The following NR2C2 variants were observed in gnomAD, a reference collection of about 807,000 sequenced individuals.
NR2C2 encodes the protein nuclear receptor subfamily 2 group C member 2.
A neutral mutation model predicts 62.9 loss-of-function variants in NR2C2; 6 were observed. That is an observed-to-expected ratio of 0.10 (90% confidence interval 0.05 to 0.19). The LOEUF (loss-of-function observed/expected upper bound fraction) is 0.19. Ranked by LOEUF, NR2C2 falls within the 10% of genes least tolerant of loss-of-function variation. The probability of loss-of-function intolerance (pLI) is 1.00; values close to 1 mark genes in which losing one functional copy is unlikely to be tolerated. For missense variants in NR2C2, 479 were observed against 762.7 expected, an observed-to-expected ratio of 0.63 and a Z score of 4.38; for synonymous variants, 272 against 273.8, an observed-to-expected ratio of 0.99 and a Z score of 0.07.
intron 1 of NR2C2, among the ~76,000 whole-genome samples, chr3:14,955,353 G>C (rs2039492355): frequency 1.3e-5 from 2 of 152,112 alleles, no homozygotes; most frequent in African/African-American, 4.8e-5. Context: ...ACGACTTAGT[G>C]GTTGTGTATA....
At chr3:14,961,354 A>G (rs897154381) in intron 1 of NR2C2, among the ~76,000 whole-genome samples, 1 of 152,250 alleles carries the variant, frequency 6.6e-6, no homozygotes, top group African/African-American at 2.4e-5. Context: ...AATATTTTGT[A>G]AAATTGTATT....
chr3:14,972,942 T>A (rs970684893), intron 1 of NR2C2, among the ~76,000 whole-genome samples: 2 of 151,990 alleles, frequency 1.3e-5, no homozygotes, highest in South Asian at 2.1e-4. Context: ...GAGCACTCCA[T>A]CCCCATGATC....
chr3:14,991,530 T>C (rs1358249788), intron 1 of NR2C2, among the ~76,000 whole-genome samples: 7 of 152,210 alleles, frequency 4.6e-5, no homozygotes, highest in Non-Finnish European at 1.0e-4. Context: ...TGTTCATGAT[T>C]TCACTGAAGT....
intron 1 of NR2C2, among the ~76,000 whole-genome samples, chr3:14,952,241 CTTG>C (rs998581211): frequency 7.2e-5 from 11 of 152,326 alleles, no homozygotes; most frequent in East Asian, 5.8e-4. Flanking sequence ...ATAGCGGATA[CTTG>C]TTGTCTGAAT....
intron 1 of NR2C2, among the ~76,000 whole-genome samples, chr3:14,950,725 C>T (rs1013855482): frequency 6.6e-6 from 1 of 152,138 alleles, no homozygotes; most frequent in African/African-American, 2.4e-5. Flanking sequence ...GCTGTGAGAG[C>T]AGGAATACAT....
intron 1 of NR2C2, among the ~76,000 whole-genome samples, chr3:15,002,150 T>C (rs1221957959): frequency 1.3e-5 from 2 of 152,268 alleles, no homozygotes; most frequent in Non-Finnish European, 2.9e-5. Flanking sequence ...CCTCATCTTA[T>C]TCTTAACCTT....
intron 8 of NR2C2, among the ~76,000 whole-genome samples, chr3:15,029,792 A>AATAGATAGATAGATAGATAG (rs144596298): frequency 7.2e-6 from 1 of 139,194 alleles, no homozygotes; most frequent in Non-Finnish European, 1.5e-5. Flanking sequence ...GTAAATAAAT[A>AATAGATAGATAGATAGATAG]ATAGATAGAT....
chr3:15,037,436 T>G (rs2042136295), intron 11 of NR2C2, among the ~76,000 whole-genome samples: 1 of 152,132 alleles, frequency 6.6e-6, no homozygotes, highest in African/African-American at 2.4e-5. Context: ...GAGGATTAAA[T>G]GAAATAACAT....
chr3:14,962,655 C>CTT lies in NR2C2; in HGVS notation c.-40+14768_-40+14769dup, dbSNP rs1228029134. Among the ~76,000 whole-genome samples, 260 of 123,628 alleles carry CTT rather than the reference C, an allele frequency of 2.1e-3. 5 individuals carry two copies. The highest frequency in any genetic ancestry group is 6.5e-3 in the African/African-American group (215 of 32,970). 81.1% of individuals were successfully genotyped at this position (123,628 alleles called of 152,430 possible). A position where few individuals can be genotyped will look rare whatever the true frequency, so the allele number is the denominator to read the frequency against. On this transcript the variant is annotated intron_variant, in intron 1 of 13. Transcript: ENST00000425241. Reference sequence around the variant, plus strand: ...AAATGACAAGAACATTTATTTGTAACTTTTTTTTTTTTTTTTTTTTGCATG... The same window carrying CTT: ...AAATGACAAGAACATTTATTTGTAACTTTTTTTTTTTTTTTTTTTTTTGCATG...
intron 1 of NR2C2, among the ~76,000 whole-genome samples, chr3:14,994,436 A>ATT (rs2040760418): frequency 1.9e-5 from 2 of 105,364 alleles, no homozygotes; most frequent in Non-Finnish European, 3.9e-5. Context: ...TTGTTTATTC[A>ATT]TTCTTTTTTT....
intron 8 of NR2C2, among the ~76,000 whole-genome samples, chr3:15,029,966 A>G (rs1218596499): frequency 1.5e-4 from 23 of 152,044 alleles, no homozygotes; most frequent in Admixed American, 1.5e-3. Context: ...AAAGAAAGAA[A>G]TTGTCCATGA....
intron 4 of NR2C2, among the ~76,000 whole-genome samples, chr3:15,019,069 T>TA (rs2041598429): frequency 1.7e-5 from 1 of 59,716 alleles, no homozygotes; most frequent in Non-Finnish European, 3.8e-5. Context: ...CTTATAAAAA[T>TA]AAAAAAATTA....
At chr3:14,992,453 A>G (rs1336529601) in intron 1 of NR2C2, among the ~76,000 whole-genome samples, 1 of 152,234 alleles carries the variant, frequency 6.6e-6, no homozygotes, top group African/African-American at 2.4e-5. Flanking sequence ...GGCTTAAGAC[A>G]GAGACTGCTT....
chr3:15,041,858 AAAAAAC>A (rs1163274203), intron 13 of NR2C2, among the ~76,000 whole-genome samples: 1 of 152,190 alleles, frequency 6.6e-6, no homozygotes, highest in Non-Finnish European at 1.5e-5. Context: ...CACTATCTCA[AAAAAAC>A]AAAAACAAAA....
intron 1 of NR2C2, among the ~76,000 whole-genome samples, chr3:14,969,079 A>T (rs2039954472): frequency 6.6e-6 from 1 of 150,926 alleles, no homozygotes; most frequent in African/African-American, 2.4e-5. Context: ...TGGCACATGT[A>T]TACATATGTA....
chr3:14,990,517 T>C (rs965569662), intron 1 of NR2C2, among the ~76,000 whole-genome samples: 5 of 152,222 alleles, frequency 3.3e-5, no homozygotes, highest in Non-Finnish European at 1.5e-5. Flanking sequence ...GAGGGCATCT[T>C]TAAACAGCCC....
intron 7 of NR2C2, among the ~76,000 whole-genome samples, chr3:15,028,044 G>A (rs560228524): frequency 1.8e-4 from 28 of 152,208 alleles, no homozygotes; most frequent in African/African-American, 6.0e-4. Context: ...ATTTTTAGTA[G>A]AGACAGGGTT....
rs946152010 is a variant in NR2C2 at position 15,046,182 on chromosome 3, G to T, written c.*3174G>T. ...ATTGTCTAACCCTTGCCATAAGGCT[G>T]TGGTTTGAGGTTCTTTTGCTGTTCT... is the stretch of plus-strand genomic sequence containing the variant. On this transcript the variant is annotated 3_prime_UTR_variant, in exon 14 of 14. Transcript: ENST00000425241. The T allele has an allele frequency of 3.9e-5, 6 of 152,244 alleles. No homozygotes were observed. The highest frequency in any genetic ancestry group is 1.4e-4 in the African/African-American group (6 of 41,454). The allele number at this position is 152,244 out of a possible 1,614,324, so 9.4% of individuals were successfully genotyped here.
intron 6 of NR2C2, among the ~76,000 whole-genome samples, 170 bp downstream of exon 6, chr3:15,023,517 C>G (rs924084831): frequency 9.9e-5 from 15 of 152,138 alleles, no homozygotes; most frequent in African/African-American, 3.6e-4. Flanking sequence ...CTGGACAGGC[C>G]TGAGGATGCC....
Sources: gnomAD v4.1 joint callset for allele counts (sites outside exome capture counted in the v4.1 genomes callset) on GRCh38, gnomAD v4.1.1 for gene constraint, MANE v1.5 for transcripts, NCBI Gene and HGNC (gene_info 2026-07-23, HGNC 2026-07-21) for gene names.